Variants in TTN observed in about 807,000 individuals in gnomAD.
TTN encodes connectin.
A neutral mutation model predicts 3,223.0 loss-of-function variants in TTN; 1,525 were observed. The observed-to-expected ratio is 0.47, with a 90% CI of 0.45 to 0.49. TTN has a LOEUF of 0.49. Among genes scored for constraint, TTN ranks in the 20% least tolerant of loss-of-function variants. The pLI, the probability that TTN is intolerant of heterozygous loss-of-function variation, is 0.00. For missense variants in TTN, 40,786 were observed against 43,424.0 expected, an observed-to-expected ratio of 0.94 and a Z score of 5.40; for synonymous variants, 14,094 against 15,161.0, an observed-to-expected ratio of 0.93 and a Z score of 5.17.
chr2:178,778,769 C>T (rs1404074096), intron 24 of TTN, 105 bp downstream of exon 24: 3 of 1,511,098 alleles, frequency 2.0e-6, no homozygotes, highest in Non-Finnish European at 2.7e-6. Context: ...AGTTTCTGTG[C>T]CATTTTAGCC....
chr2:178,715,044 C>G lies in TTN; in HGVS notation c.26142G>C (p.Gln8714His). 1.2e-6 allele frequency: 2 copies of G among 1,613,566 alleles called. No homozygotes were observed. The highest frequency in any genetic ancestry group is 1.7e-6 in the Non-Finnish European group (2 of 1,179,622). Residue 8714 changes from glutamine to histidine, a missense_variant, in exon 90 of 363, where the codon CAG (glutamine) becomes CAC (histidine). By Grantham distance (24) the Gln-to-His change is conservative. Transcript: ENST00000589042. ...NVDAADIGEY[Q>H]CKATNDVGSD... ...TTCCCACATCATTTGTGGCTTTACACTGATATTCCCCAATGTCTGCAGCAT... is the reference window on the plus strand; with the variant it reads ...TTCCCACATCATTTGTGGCTTTACAGTGATATTCCCCAATGTCTGCAGCAT...
At chr2:178,637,146 G>GATATATATATATATATATATATAT (rs61216469) in intron 224 of TTN, among the ~76,000 whole-genome samples, 2 of 49,186 alleles carry the variant, frequency 4.1e-5, no homozygotes, top group Non-Finnish European at 8.8e-5. Context: ...AATATAGTTG[G>GATATATATATATATATATATATAT]ATATATATAT....
In TTN at chr2:178,777,436, C is replaced by A. The variant is rs894718715; in HGVS notation, c.4629G>T (p.Val1543=). 6.2e-7 allele frequency: 1 copy of A among 1,613,686 alleles called. No homozygotes were observed. The highest frequency in any genetic ancestry group is 1.3e-5 in the African/African-American group (1 of 75,006). ...QNRAGRSSIS[V]ILTVEAVEHQ... Reference sequence around the variant, plus strand: ...TCATTTTACCTTCCACAGTTAAAATCACTGAAATTGAAGATCTGCCTGCCC... The same window carrying A: ...TCATTTTACCTTCCACAGTTAAAATAACTGAAATTGAAGATCTGCCTGCCC... The change falls in exon 26 of 363, where the codon GTG becomes GTT. Residue 1543 remains valine (V), a synonymous_variant. Coordinates refer to ENST00000589042, the MANE Select transcript of TTN (RefSeq NM_001267550.2).
chr2:178,574,389 G>T lies in TTN; in HGVS notation c.71743C>A (p.Pro23915Thr). The change falls in exon 326 of 363, where the codon CCA (proline) becomes ACA (threonine). Residue 23915 changes from proline (P) to threonine (T), a missense_variant. Transcript: ENST00000589042. Reference sequence around the variant, plus strand: ...TCCAGAGCCAACATAGGTTCTGATGGCTTGCTTGGCTTACTTTTGCCTGCC... The same window carrying T: ...TCCAGAGCCAACATAGGTTCTGATGTCTTGCTTGGCTTACTTTTGCCTGCC... ...NMAGKSKPSK[P>T]SEPMLALDPI... 1 of 1,613,544 alleles carries T rather than the reference G, an allele frequency of 6.2e-7. No individual in the cohort carries two copies.
In TTN at chr2:178,630,846, G is replaced by A. The variant is rs754693395; in HGVS notation, c.44112C>T (p.His14704=). 1.4e-5 allele frequency: 22 copies of A among 1,613,180 alleles called. No homozygotes were observed. The highest frequency in any genetic ancestry group is 3.3e-5 in the South Asian group (3 of 91,056). Residue 14704 remains histidine (H), a synonymous_variant, in exon 238 of 363, where the codon CAC becomes CAT. Transcript: ENST00000589042. ...FETEISEDDI[H]ANWKLKGEAL... is the part of the protein sequence containing the mutation. ...CCTCTCCCTTGAGTTTCCAGTTGGC[G>A]TGGATATCATCTTCAGAGATTTCGG... is the stretch of plus-strand genomic sequence containing the variant.
chr2:178,747,105 G>C, intron 47 of TTN: 1 of 1,608,272 alleles, frequency 6.2e-7, no homozygotes, highest in African/African-American at 1.4e-5. Context: ...GTCTCTCCTG[G>C]GGGTGTGGAG....
intron 113 of TTN, among the ~76,000 whole-genome samples, chr2:178,696,588 T>C (rs1004782975): frequency 6.6e-6 from 1 of 152,088 alleles, no homozygotes; most frequent in Non-Finnish European, 1.5e-5. Context: ...TGGAATAGTT[T>C]TAATATTCGA....
Position 178,782,271 on chromosome 2 carries a change from G to A in TTN, c.3321C>T (p.Gly1107=). 6.2e-7 allele frequency: 1 copy of A among 1,614,084 alleles called. No homozygotes were observed. The highest frequency in any genetic ancestry group is 8.5e-7 in the Non-Finnish European group (1 of 1,179,988). The change falls in exon 20 of 363, where the codon GGC becomes GGT. Residue 1107 remains glycine (G), a synonymous_variant. Transcript: ENST00000589042. ...GSVVFGCQVG[G]NPKPHVYWKK... ...TCCAGTATACATGGGGCTTTGGGTT[G>A]CCGCCAACTTGGCATCCAAACACCA...
chr2:178,638,832 A>T (rs1189647216), intron 223 of TTN, among the ~76,000 whole-genome samples: 1 of 151,960 alleles, frequency 6.6e-6, no homozygotes, highest in African/African-American at 2.4e-5. Context: ...CAGTTTTGTT[A>T]TGTGGATATA....
At chr2:178,698,202 GAGT>G (rs2074063629) in intron 112 of TTN, among the ~76,000 whole-genome samples, 1 of 152,322 alleles carries the variant, frequency 6.6e-6, no homozygotes, top group East Asian at 1.9e-4. Flanking sequence ...AATTCATAAA[GAGT>G]AGAATGATGG....
Position 178,534,139 on chromosome 2 carries a change from A to G in TTN, c.102476T>C (p.Ile34159Thr), listed in dbSNP as rs1690397017. Residue 34159 changes from isoleucine (I) to threonine (T), a missense_variant, in exon 358 of 363, where the codon ATT becomes ACT. Physicochemically the swap from Ile to Thr is moderately conservative, Grantham distance 89. Coordinates refer to ENST00000589042, the MANE Select transcript of TTN (RefSeq NM_001267550.2). ...EGGHVKYVCK[I>T]ENYDQSTQVT... ...TTGGGTAGACTGATCATAATTTTCA[A>G]TTTTGCATACATATTTGACATGTCC... 1 of 1,613,880 alleles carries G rather than the reference A, an allele frequency of 6.2e-7. No homozygotes were observed. Among genetic ancestry groups the G allele is most frequent in the Non-Finnish European group, 8.5e-7 (1 of 1,179,854 alleles).
rs371388583 is a variant in TTN at position 178,748,261 on chromosome 2, G to A, written c.11311+4863C>T. ...TAAGAGAAAGATCAGTTTTTAAAAT[G>A]TCTAAGTTTTGTTCCTGTACATGTC... On this transcript the variant is annotated intron_variant, in intron 47 of 362. Coordinates refer to ENST00000589042, the MANE Select transcript of TTN (RefSeq NM_001267550.2). 7 of 1,612,904 alleles carry A rather than the reference G, an allele frequency of 4.3e-6. No homozygotes were observed. Among genetic ancestry groups the A allele is most frequent in the East Asian group, 2.2e-5 (1 of 44,790 alleles).
chr2:178,672,349 A>C (rs1292844664), intron 154 of TTN, 58 bp downstream of exon 154: 38 of 1,600,126 alleles, frequency 2.4e-5, no homozygotes, highest in Non-Finnish European at 3.1e-5. Context: ...TATTTTTAAA[A>C]CTGAATAAAG....
chr2:178,639,509 A>C (rs1294943921), intron 223 of TTN, among the ~76,000 whole-genome samples, 190 bp downstream of exon 223: 21 of 152,048 alleles, frequency 1.4e-4, no homozygotes, highest in Admixed American at 1.3e-3. Flanking sequence ...CACAATATTC[A>C]CCCACTGGGC....
chr2:178,673,789 T>C lies in TTN; in HGVS notation c.34709-79A>G, dbSNP rs1045247920. ...CCACCCATATACCAATAAATAAATA[T>C]CACAAAACATTGACTTATTTTTAAA... is the stretch of plus-strand genomic sequence containing the variant. On this transcript the variant is annotated intron_variant, in intron 151 of 362. Coordinates refer to ENST00000589042, the MANE Select transcript of TTN (RefSeq NM_001267550.2). 3.7e-5 allele frequency: 36 copies of C among 980,884 alleles called. 1 individual carries two copies. In the East Asian group the frequency reaches 9.6e-4, roughly 26 times the overall value. 60.8% of individuals were successfully genotyped at this position (980,884 alleles called of 1,614,324 possible).
At chr2:178,747,557 A>G (rs1378805182) in intron 47 of TTN, 1 of 1,613,298 alleles carries the variant, frequency 6.2e-7, no homozygotes, top group Non-Finnish European at 8.5e-7. Flanking sequence ...GTATTCATAC[A>G]CAGTGTTGAA....
chr2:178,722,646 A>G lies in TTN; in HGVS notation c.22240+13T>C, dbSNP rs1305339410. ...GGAAAAAAGAATTTTTTTAATTTGT[A>G]AAATATCATCACCTTGAATTCTGAA... On this transcript the variant is annotated intron_variant, in intron 76 of 362. Coordinates refer to ENST00000589042, the MANE Select transcript of TTN (RefSeq NM_001267550.2). 6.3e-7 allele frequency: 1 copy of G among 1,593,618 alleles called. No individual in the cohort carries two copies. Among genetic ancestry groups the G allele is most frequent in the Non-Finnish European group, 8.5e-7 (1 of 1,171,712 alleles).
Position 178,621,005 on chromosome 2 carries a change from C to T in TTN, c.45617-12G>A, listed in dbSNP as rs769492898. 7 of 1,607,698 alleles carry T rather than the reference C, an allele frequency of 4.4e-6. No homozygotes were observed. The highest frequency in any genetic ancestry group is 3.4e-5 in the Admixed American group (2 of 58,544). ...GATCCTGAGTTTTTCTGAAAGCAACCGACAAGACTTTATAGTATGAATAAT... is the reference window on the plus strand; with the variant it reads ...GATCCTGAGTTTTTCTGAAAGCAACTGACAAGACTTTATAGTATGAATAAT... On this transcript the variant is annotated splice_polypyrimidine_tract_variant and intron_variant, in intron 246 of 362. Transcript: ENST00000589042.
Position 178,531,299 on chromosome 2 carries a change from T to G in TTN, c.105316A>C (p.Ser35106Arg). ...YEHSASAEMK[S>R]AALEEKSLEE... Reference sequence around the variant, plus strand: ...AGTGACTTTTCTTCTAATGCAGCACTTTTCATTTCTGCAGATGCAGAGTGT... The same window carrying G: ...AGTGACTTTTCTTCTAATGCAGCACGTTTCATTTCTGCAGATGCAGAGTGT... The change falls in exon 358 of 363, where the codon AGT becomes CGT. Residue 35106 changes from serine (S) to arginine (R), a missense_variant. Coordinates refer to ENST00000589042, the MANE Select transcript of TTN (RefSeq NM_001267550.2). 1.9e-6 allele frequency: 3 copies of G among 1,614,032 alleles called. No homozygotes were observed. Among genetic ancestry groups the G allele is most frequent in the Non-Finnish European group, 2.5e-6 (3 of 1,179,880 alleles).
Sources: allele counts gnomAD v4.1 joint callset (sites outside exome capture counted in the v4.1 genomes callset), GRCh38; gene constraint gnomAD v4.1.1; transcripts MANE v1.5; gene names NCBI Gene and HGNC (gene_info 2026-07-23, HGNC 2026-07-21).